NALCN: variants seen among roughly 807,000 people sequenced by gnomAD.
NALCN encodes the protein sodium leak channel NALCN.
A neutral mutation model predicts 225.3 loss-of-function variants in NALCN; 111 were observed. The ratio of observed to expected loss-of-function variants is 0.49; its 90% confidence interval spans 0.42 to 0.58. NALCN has a LOEUF of 0.58. Ranked by LOEUF, NALCN falls within the 20% of genes least tolerant of loss-of-function variation. The pLI is 0.00. For missense variants in NALCN, 1,378 were observed against 2,202.4 expected (o/e 0.63, Z 7.49); for synonymous variants, 764 against 769.0 (o/e 0.99, Z 0.11).
At chr13:101,300,398 C>CCTTCCTTCCTTCCTTCCTTCCTTA (rs2043919294) in intron 7 of NALCN, among the ~76,000 whole-genome samples, 1 of 144,150 alleles carries the variant, frequency 6.9e-6, no homozygotes, top group Admixed American at 7.0e-5. Flanking sequence ...TTCCTTCCTT[C>CCTTCCTTCCTTCCTTCCTTCCTTA]CCTCCTTCCT....
intron 7 of NALCN, among the ~76,000 whole-genome samples, chr13:101,341,642 G>T (rs1341300301): frequency 1.3e-5 from 2 of 151,944 alleles, no homozygotes; most frequent in Non-Finnish European, 2.9e-5. Context: ...TTTTATAGAT[G>T]TGGTCCTCAT....
intron 13 of NALCN, among the ~76,000 whole-genome samples, chr13:101,222,023 T>C (rs2040959932): frequency 6.6e-6 from 1 of 152,170 alleles, no homozygotes; most frequent in African/African-American, 2.4e-5. Context: ...TGCAGGCCCA[T>C]GCTTTAGACA....
intron 32 of NALCN, 65 bp downstream of exon 32, chr13:101,083,027 G>C (rs2033742107): frequency 6.4e-7 from 1 of 1,554,950 alleles, no homozygotes. Context: ...AGCAGCTTGT[G>C]ATACTCTCGG....
intron 6 of NALCN, among the ~76,000 whole-genome samples, chr13:101,353,620 T>C (rs1042030337): frequency 6.6e-6 from 1 of 152,194 alleles, no homozygotes; most frequent in Non-Finnish European, 1.5e-5. Flanking sequence ...AAGCAGGAAA[T>C]AATATTGACA....
In NALCN at chr13:101,103,303, C is replaced by T; in HGVS notation, c.2926G>A (p.Val976Ile). Residue 976 changes from valine to isoleucine, a missense_variant, in exon 26 of 44, where the codon GTA (valine) becomes ATA (isoleucine). Physicochemically the swap from Val to Ile is conservative, Grantham distance 29. Coordinates refer to ENST00000251127, the MANE Select transcript of NALCN (RefSeq NM_052867.4). ...LIFLCWMPQN[V>I]PAESGAQLLM... ...AGCTGAGCTCCCGATTCAGCAGGTA[C>T]ATTTTGAGGCATCCAACAAAGAAAT... 4 of 1,613,258 alleles carry T rather than the reference C, an allele frequency of 2.5e-6. No homozygotes were observed. Among genetic ancestry groups the T allele is most frequent in the Non-Finnish European group, 3.4e-6 (4 of 1,179,694 alleles).
intron 1 of NALCN, among the ~76,000 whole-genome samples, chr13:101,405,182 C>G (rs955740059): frequency 6.6e-6 from 1 of 152,206 alleles, no homozygotes; most frequent in Non-Finnish European, 1.5e-5. Context: ...CAATACACCA[C>G]AGTGAAAACT....
At chr13:101,334,801 C>G (rs1038483100) in intron 7 of NALCN, among the ~76,000 whole-genome samples, 91 of 152,090 alleles carry the variant, frequency 6.0e-4, no homozygotes, top group African/African-American at 2.1e-3. Flanking sequence ...GACTGAAAAC[C>G]ACTTAAATGT....
At chr13:101,204,968 A>G (rs181590503) in intron 13 of NALCN, among the ~76,000 whole-genome samples, 208 of 152,238 alleles carry the variant, frequency 1.4e-3, no homozygotes, top group African/African-American at 4.6e-3. Context: ...CCTACTGCAG[A>G]TGGAGAGCTG....
chr13:101,278,789 C>G (rs1184554387), intron 10 of NALCN, among the ~76,000 whole-genome samples: 1 of 152,100 alleles, frequency 6.6e-6, no homozygotes, highest in Non-Finnish European at 1.5e-5. Flanking sequence ...AAGCAAACTC[C>G]AAGTGTACTG....
At chr13:101,331,751 C>G (rs1377476169) in intron 7 of NALCN, among the ~76,000 whole-genome samples, 2 of 152,136 alleles carry the variant, frequency 1.3e-5, no homozygotes, top group Non-Finnish European at 2.9e-5. Context: ...ACCTCTTCAC[C>G]TTACCATACT....
At chr13:101,279,716 CT>C (rs2043086491) in intron 10 of NALCN, among the ~76,000 whole-genome samples, 3 of 148,892 alleles carry the variant, frequency 2.0e-5, no homozygotes, top group Non-Finnish European at 4.5e-5. Context: ...ACTTGGGAGG[CT>C]GAGGCAGGAG....
At chr13:101,331,952 A>C (rs1259547116) in intron 7 of NALCN, among the ~76,000 whole-genome samples, 1 of 152,152 alleles carries the variant, frequency 6.6e-6, no homozygotes, top group Non-Finnish European at 1.5e-5. Context: ...CCAGTGTTCT[A>C]CTTACTTGTT....
At chr13:101,179,658 G>T (rs542277524) in intron 14 of NALCN, among the ~76,000 whole-genome samples, 1 of 152,164 alleles carries the variant, frequency 6.6e-6, no homozygotes, top group African/African-American at 2.4e-5. Flanking sequence ...GGGGTTTGGG[G>T]CTTTCTTTCT....
At chr13:101,087,073 T>C (rs566168242) in intron 30 of NALCN, among the ~76,000 whole-genome samples, 2 of 152,254 alleles carry the variant, frequency 1.3e-5, no homozygotes, top group South Asian at 4.2e-4. Flanking sequence ...CTCTGAAAGT[T>C]TATTATTATC....
intron 3 of NALCN, among the ~76,000 whole-genome samples, chr13:101,393,587 C>T (rs567858271): frequency 6.6e-6 from 1 of 152,150 alleles, no homozygotes; most frequent in Admixed American, 6.5e-5. Flanking sequence ...GAGGCCGAGG[C>T]GGGCAGATCA....
At chr13:101,223,346 A>G (rs2041018530) in intron 13 of NALCN, among the ~76,000 whole-genome samples, 1 of 152,164 alleles carries the variant, frequency 6.6e-6, no homozygotes, top group Non-Finnish European at 1.5e-5. Context: ...GGATTGGCAA[A>G]TTGATTTTAC....
At chr13:101,265,052 A>T (rs771902724) in intron 10 of NALCN, among the ~76,000 whole-genome samples, 7 of 152,290 alleles carry the variant, frequency 4.6e-5, no homozygotes, top group Middle Eastern at 3.4e-3. Context: ...TAGCCTAAGG[A>T]AGTCCATTTT....
At chr13:101,151,133 G>A (rs900783156) in intron 15 of NALCN, among the ~76,000 whole-genome samples, 1 of 152,162 alleles carries the variant, frequency 6.6e-6, no homozygotes, top group South Asian at 2.1e-4. Flanking sequence ...GCTATTCTAC[G>A]GCTCAGCATC....
At chr13:101,261,364 G>T (rs916076284) in intron 10 of NALCN, among the ~76,000 whole-genome samples, 6 of 152,098 alleles carry the variant, frequency 3.9e-5, no homozygotes, top group African/African-American at 1.4e-4. Flanking sequence ...TATAATTTTA[G>T]AATTTTTTTC....
Sources: allele counts gnomAD v4.1 joint callset (sites outside exome capture counted in the v4.1 genomes callset), GRCh38; gene constraint gnomAD v4.1.1; transcripts MANE v1.5; gene names NCBI Gene and HGNC (gene_info 2026-07-23, HGNC 2026-07-21).